The following LAMC1 variants were observed in gnomAD, a reference collection of about 807,000 sequenced individuals.
LAMC1 encodes laminin subunit gamma-1.
In LAMC1, 38 loss-of-function variants were observed where a neutral mutation model predicts 173.6. The ratio of observed to expected loss-of-function variants is 0.22; its 90% CI spans 0.17 to 0.29. LAMC1 has a LOEUF of 0.29. LAMC1 is among the 10% of genes least tolerant of loss of function. The probability of loss-of-function intolerance (pLI) is 1.00; values close to 1 mark genes in which losing one functional copy is unlikely to be tolerated. For synonymous variants in LAMC1, 746 were observed against 749.1 expected, an observed-to-expected ratio of 1.00 and a Z score of 0.07; for missense variants, 1,824 against 2,051.8, an observed-to-expected ratio of 0.89 and a Z score of 2.14.
At chr1:183,141,062 G>A (rs996165998) in intron 27 of LAMC1, 1 of 152,284 alleles carries the variant, frequency 6.6e-6, no homozygotes, top group South Asian at 2.1e-4. Context: ...GGTAATCCCA[G>A]TACTTTAAGA....
chr1:183,093,603 C>T (rs921080510), intron 1 of LAMC1, among the ~76,000 whole-genome samples: 5 of 152,174 alleles, frequency 3.3e-5, no homozygotes, highest in African/African-American at 4.8e-5. Flanking sequence ...ATGCTGACGA[C>T]TTCCAGATTT....
intron 20 of LAMC1, among the ~76,000 whole-genome samples, chr1:183,131,622 A>G (rs142011774): frequency 1.1e-3 from 168 of 152,310 alleles, no homozygotes; most frequent in African/African-American, 3.9e-3. Flanking sequence ...TTTGAAGACA[A>G]ATCATATTTA....
chr1:183,100,772 C>T (rs999358096), intron 1 of LAMC1, among the ~76,000 whole-genome samples: 3 of 152,034 alleles, frequency 2.0e-5, no homozygotes, highest in South Asian at 2.1e-4. Context: ...GGGTGGTGCA[C>T]GTGACTCTCT....
chr1:183,057,520 G>T (rs1654629920), intron 1 of LAMC1, among the ~76,000 whole-genome samples: 1 of 152,162 alleles, frequency 6.6e-6, no homozygotes, highest in Admixed American at 6.5e-5. Flanking sequence ...CCGCATTTTG[G>T]GAGCCCGAGG....
chr1:183,125,687 C>T, intron 15 of LAMC1, 137 bp downstream of exon 15: 1 of 637,752 alleles, frequency 1.6e-6, no homozygotes, highest in South Asian at 2.3e-5. Context: ...CCTTCAGGGG[C>T]AGTGCTGGAG....
chr1:183,134,859 G>C (rs776812039), intron 23 of LAMC1, 50 bp downstream of exon 23: 2 of 1,559,566 alleles, frequency 1.3e-6, no homozygotes, highest in African/African-American at 2.7e-5. Context: ...CATTTGAACA[G>C]TCCAAATGGG....
At chr1:183,036,812 G>C (rs1429477610) in intron 1 of LAMC1, among the ~76,000 whole-genome samples, 1 of 151,706 alleles carries the variant, frequency 6.6e-6, no homozygotes, top group Non-Finnish European at 1.5e-5. Flanking sequence ...TTTCACTCTT[G>C]TCGCCCAGGC....
At position 183,045,481 on chromosome 1, in the gene LAMC1, T is replaced by C. The variant is rs539958672; in HGVS notation, c.418+21347T>C. On this transcript the variant is annotated intron_variant, in intron 1 of 27. Transcript: ENST00000258341. ...TATGTGGTAATTGGCAACTTGCCAA[T>C]TGAAAAAAAAGTTCAGTATATTTTT... Among the ~76,000 whole-genome samples, 447 of 152,200 alleles carry C rather than the reference T, an allele frequency of 2.9e-3. 2 individuals carry two copies. Among genetic ancestry groups the C allele is most frequent in the Non-Finnish European group, 5.2e-3 (356 of 67,906 alleles).
chr1:183,126,680 A>G (rs1656628838), intron 16 of LAMC1, among the ~76,000 whole-genome samples: 1 of 152,172 alleles, frequency 6.6e-6, no homozygotes, highest in South Asian at 2.1e-4. Flanking sequence ...CCCTTTTGGT[A>G]TGATTACGTG....
intron 3 of LAMC1, 52 bp downstream of exon 3, chr1:183,108,458 G>A (rs748575671): frequency 5.5e-5 from 85 of 1,531,544 alleles, no homozygotes; most frequent in Non-Finnish European, 7.2e-5. Context: ...TTTGCATAGA[G>A]GTGAATCTAG....
chr1:183,143,630 T>G lies in LAMC1; in HGVS notation c.*840T>G, dbSNP rs1188015127. 1 of 152,402 alleles carries G rather than the reference T, an allele frequency of 6.6e-6. No homozygotes were observed. The highest frequency in any genetic ancestry group is 1.5e-5 in the Non-Finnish European group (1 of 68,030). 9.4% of individuals were successfully genotyped at this position (152,402 alleles called of 1,614,324 possible). ...AATAGGGATATGATAACCACTAAAATTTTGTTTTCAAAATCAAACTAATTC... is the reference window on the plus strand; with the variant it reads ...AATAGGGATATGATAACCACTAAAAGTTTGTTTTCAAAATCAAACTAATTC... On this transcript the variant is annotated 3_prime_UTR_variant, in exon 28 of 28. Transcript: ENST00000258341.
In LAMC1 at chr1:183,040,052, G is replaced by T. The variant is rs147217263; in HGVS notation, c.418+15918G>T. Among the ~76,000 whole-genome samples the T allele has an allele frequency of 3.0e-4, 46 of 152,322 alleles. No individual in the cohort carries two copies. The East Asian group carries it at 8.1e-3, about 27-fold the overall frequency. On this transcript the variant is annotated intron_variant, in intron 1 of 27. Coordinates refer to ENST00000258341, the MANE Select transcript of LAMC1 (RefSeq NM_002293.4). ...TGGTGTTGGAGGTGAGACTCTGAATGTAACTAGATTCGGACTTCTTCACAT... is the reference window on the plus strand; with the variant it reads ...TGGTGTTGGAGGTGAGACTCTGAATTTAACTAGATTCGGACTTCTTCACAT...
chr1:183,109,012 G>A (rs1001049690), intron 3 of LAMC1, among the ~76,000 whole-genome samples: 3 of 152,066 alleles, frequency 2.0e-5, no homozygotes, highest in African/African-American at 4.8e-5. Flanking sequence ...GTTTAGAGAC[G>A]GGAGAGTATA....
At chr1:183,069,982 A>C (rs752765466) in intron 1 of LAMC1, among the ~76,000 whole-genome samples, 2 of 152,208 alleles carry the variant, frequency 1.3e-5, no homozygotes, top group Non-Finnish European at 2.9e-5. Context: ...AATAATTTTA[A>C]GTAGTTTGAG....
intron 1 of LAMC1, 142 bp downstream of exon 1, chr1:183,024,276 C>T (rs923147759): frequency 2.6e-6 from 2 of 772,462 alleles, no homozygotes; most frequent in East Asian, 2.7e-5. Flanking sequence ...CACAGAAACT[C>T]CTTTCTCCAA....
chr1:183,108,534 G>C, intron 3 of LAMC1, 128 bp downstream of exon 3: 1 of 729,482 alleles, frequency 1.4e-6, no homozygotes, highest in Non-Finnish European at 2.1e-6. Flanking sequence ...AGGAGCGGCA[G>C]TCCTTCCTGT....
chr1:183,049,464 T>G (rs6668728), intron 1 of LAMC1, among the ~76,000 whole-genome samples: 4 of 38,370 alleles, frequency 1.0e-4, no homozygotes, highest in South Asian at 1.5e-3. Context: ...GGTTTTTTTG[T>G]TTTTTTTTTT....
At chr1:183,117,152 G>A (rs1656345497) in intron 8 of LAMC1, among the ~76,000 whole-genome samples, 168 bp from the exon 9 acceptor site, 1 of 152,194 alleles carries the variant, frequency 6.6e-6, no homozygotes, top group Admixed American at 6.5e-5. Context: ...TATAGTTTGA[G>A]TGGTATAGCA....
chr1:183,027,942 G>A (rs1324388766), intron 1 of LAMC1, among the ~76,000 whole-genome samples: 2 of 152,110 alleles, frequency 1.3e-5, no homozygotes, highest in Admixed American at 1.3e-4. Context: ...TCTCACAAAG[G>A]CCTGATTTAC....
Sources: gnomAD v4.1 joint callset for allele counts (sites outside exome capture counted in the v4.1 genomes callset) on GRCh38, gnomAD v4.1.1 for gene constraint, MANE v1.5 for transcripts, NCBI Gene and HGNC (gene_info 2026-07-23, HGNC 2026-07-21) for gene names.